SDK1: variants seen among roughly 807,000 people sequenced by gnomAD.
SDK1 encodes the protein protein sidekick-1.
Under a neutral mutation model 245.5 loss-of-function variants are expected in SDK1, and 157 were observed. The ratio of observed to expected loss-of-function variants is 0.64; its 90% CI spans 0.56 to 0.73. SDK1 has a LOEUF of 0.73. SDK1 is among the 30% of genes least tolerant of loss of function. The pLI is 0.00. For synonymous variants in SDK1, 1,647 were observed against 1,278.5 expected, an observed-to-expected ratio of 1.29 and a Z score of -6.15; for missense variants, 3,583 against 3,002.3, an observed-to-expected ratio of 1.19 and a Z score of -4.52.
intron 1 of SDK1, among the ~76,000 whole-genome samples, chr7:3,391,483 T>C (rs1454420152): frequency 6.6e-6 from 1 of 152,134 alleles, no homozygotes; most frequent in Non-Finnish European, 1.5e-5. Context: ...TTTTTTCCTT[T>C]ACGTTTTCTG....
At chr7:3,912,375 A>T (rs932626345) in intron 5 of SDK1, among the ~76,000 whole-genome samples, 2 of 152,246 alleles carry the variant, frequency 1.3e-5, no homozygotes, top group African/African-American at 4.8e-5. Flanking sequence ...TTTCACGGTA[A>T]CTGGTGCACA....
At chr7:3,453,468 T>C (rs1780581798) in intron 1 of SDK1, among the ~76,000 whole-genome samples, 1 of 152,158 alleles carries the variant, frequency 6.6e-6, no homozygotes, top group Admixed American at 6.5e-5. Flanking sequence ...TCCTGGATTA[T>C]CTGGTGGACC....
intron 4 of SDK1, among the ~76,000 whole-genome samples, chr7:3,694,576 G>GT (rs1554249912): frequency 9.7e-5 from 5 of 51,552 alleles, no homozygotes; most frequent in Non-Finnish European, 2.5e-4. Context: ...ATTTATGTTG[G>GT]TGGGGGGGGA....
At chr7:3,313,906 A>T (rs1779606188) in intron 1 of SDK1, among the ~76,000 whole-genome samples, 2 of 152,228 alleles carry the variant, frequency 1.3e-5, no homozygotes, top group South Asian at 4.2e-4. Flanking sequence ...CGTACACAAT[A>T]AATATATACA....
chr7:3,640,570 C>T (rs76336874), intron 3 of SDK1, among the ~76,000 whole-genome samples: 2 of 151,932 alleles, frequency 1.3e-5, no homozygotes, highest in Non-Finnish European at 2.9e-5. Flanking sequence ...AGAGTGAAGA[C>T]GAATACCTAA....
At chr7:3,663,197 T>C (rs985134645) in intron 4 of SDK1, among the ~76,000 whole-genome samples, 4 of 152,186 alleles carry the variant, frequency 2.6e-5, no homozygotes, top group Non-Finnish European at 4.4e-5. Context: ...CTGACTCTTG[T>C]TTAAAATGAG....
At chr7:4,110,885 A>G (rs1309712365) in intron 23 of SDK1, 113 bp downstream of exon 23, 1 of 731,262 alleles carries the variant, frequency 1.4e-6, no homozygotes, top group Non-Finnish European at 2.4e-6. Flanking sequence ...GATGTTTCCT[A>G]GTGGCAATAA....
intron 14 of SDK1, among the ~76,000 whole-genome samples, chr7:4,003,696 C>G (rs1011244823): frequency 6.6e-6 from 1 of 152,228 alleles, no homozygotes; most frequent in African/African-American, 2.4e-5. Context: ...GCTAGACCTT[C>G]CAGACACGGG....
intron 17 of SDK1, among the ~76,000 whole-genome samples, chr7:4,022,192 A>G (rs1350168507): frequency 6.6e-6 from 1 of 152,212 alleles, no homozygotes; most frequent in African/African-American, 2.4e-5. Flanking sequence ...ATTTGTCGGC[A>G]TAATTTGGGA....
At chr7:3,416,901 G>A (rs756830565) in intron 1 of SDK1, among the ~76,000 whole-genome samples, 6 of 152,144 alleles carry the variant, frequency 3.9e-5, no homozygotes, top group Non-Finnish European at 7.3e-5. Context: ...AGCCGGGCAC[G>A]GTGGCTCATG....
intron 1 of SDK1, among the ~76,000 whole-genome samples, chr7:3,506,304 A>C (rs962927524): frequency 6.6e-6 from 1 of 152,000 alleles, no homozygotes; most frequent in Admixed American, 6.5e-5. Context: ...ATGTTCTTCT[A>C]TTGTCTTCTG....
intron 5 of SDK1, among the ~76,000 whole-genome samples, chr7:3,887,233 C>T (rs1425714099): frequency 2.0e-5 from 3 of 152,098 alleles, no homozygotes; most frequent in African/African-American, 7.2e-5. Flanking sequence ...CCTGGCAAAT[C>T]ACAAGGATGA....
intron 22 of SDK1, among the ~76,000 whole-genome samples, chr7:4,101,099 G>A (rs1417422947): frequency 6.6e-6 from 1 of 152,082 alleles, no homozygotes; most frequent in Non-Finnish European, 1.5e-5. Flanking sequence ...CAACAGCTGG[G>A]CAGCCCTGAC....
At chr7:3,716,730 G>C (rs541468932) in intron 4 of SDK1, among the ~76,000 whole-genome samples, 26 of 149,928 alleles carry the variant, frequency 1.7e-4, no homozygotes, top group African/African-American at 6.2e-4. Context: ...TTGCACTTCA[G>C]CCTGGGTGAC....
intron 1 of SDK1, among the ~76,000 whole-genome samples, chr7:3,542,066 G>C (rs1258904046): frequency 1.3e-5 from 2 of 152,080 alleles, no homozygotes; most frequent in African/African-American, 2.4e-5. Context: ...ATAGAAACTT[G>C]ACACAATTAT....
rs1010640050 is a variant in SDK1 at position 3,433,058 on chromosome 7, A to C, written c.298+131174A>C. 4.6e-5 allele frequency among the ~76,000 whole-genome samples: 7 copies of C among 152,340 alleles called. No homozygotes were observed. In the South Asian group the frequency reaches 1.5e-3, roughly 32 times the overall value. Reference sequence around the variant, plus strand: ...TTCATTTTAGAGGAAGATTTTCTCAAACAAGGATTCTTCGTGGTTGCAAAA... The same window carrying C: ...TTCATTTTAGAGGAAGATTTTCTCACACAAGGATTCTTCGTGGTTGCAAAA... On this transcript the variant is annotated intron_variant, in intron 1 of 44. Transcript: ENST00000404826.
At chr7:3,785,076 G>A (rs1284360953) in intron 4 of SDK1, among the ~76,000 whole-genome samples, 4 of 152,284 alleles carry the variant, frequency 2.6e-5, no homozygotes, top group South Asian at 2.1e-4. Context: ...ATCAGAGAGC[G>A]TTATCCTCAG....
intron 4 of SDK1, among the ~76,000 whole-genome samples, chr7:3,695,090 A>G (rs943121514): frequency 5.9e-5 from 9 of 152,152 alleles, no homozygotes; most frequent in Non-Finnish European, 1.5e-5. Context: ...TATGATGTGA[A>G]TTTTTTCTGT....
rs573319146 is a variant in SDK1, at chr7:3,888,109, A to C, written c.848-62814A>C. On this transcript the variant is annotated intron_variant, in intron 5 of 44. Transcript: ENST00000404826. ...AGAATTGGGTCAGCCTTACTGAAAC[A>C]AATGGTTGAAGTTTGACTTCTCTCA... is the stretch of plus-strand genomic sequence containing the variant. Among the ~76,000 whole-genome samples the C allele has an allele frequency of 2.6e-5, 4 of 152,364 alleles. No homozygotes were observed. In the South Asian group the frequency reaches 8.3e-4, roughly 32 times the overall value.
Sources: allele counts gnomAD v4.1 joint callset (sites outside exome capture counted in the v4.1 genomes callset), GRCh38; gene constraint gnomAD v4.1.1; transcripts MANE v1.5; gene names NCBI Gene and HGNC (gene_info 2026-07-23, HGNC 2026-07-21).